CAPRIN2: variants seen among roughly 807,000 people sequenced by gnomAD.
CAPRIN2 encodes caprin-2.
A neutral mutation model predicts 130.4 loss-of-function variants in CAPRIN2; 66 were observed. The observed-to-expected ratio is 0.51, with a 90% CI of 0.42 to 0.62. The LOEUF (loss-of-function observed/expected upper bound fraction) is 0.62. Ranked by LOEUF, CAPRIN2 falls within the 20% of genes least tolerant of loss-of-function variation. The pLI, the probability that CAPRIN2 is intolerant of heterozygous loss-of-function variation, is 0.00. For missense variants in CAPRIN2, 1,185 were observed against 1,246.6 expected, an observed-to-expected ratio of 0.95 and a Z score of 0.74; for synonymous variants, 471 against 444.1, an observed-to-expected ratio of 1.06 and a Z score of -0.76.
chr12:30,747,663 G>A (rs2071344443), intron 2 of CAPRIN2, among the ~76,000 whole-genome samples: 2 of 150,342 alleles, frequency 1.3e-5, no homozygotes, highest in African/African-American at 2.5e-5. Flanking sequence ...GACAACAAGA[G>A]CCAAACACCG....
chr12:30,717,046 G>C (rs570926292), intron 12 of CAPRIN2, among the ~76,000 whole-genome samples: 10 of 152,132 alleles, frequency 6.6e-5, no homozygotes, highest in Non-Finnish European at 1.3e-4. Context: ...TTTTCAAAAA[G>C]TATAGAATTA....
chr12:30,747,674 T>C (rs1476008852), intron 2 of CAPRIN2, among the ~76,000 whole-genome samples: 3 of 146,416 alleles, frequency 2.0e-5, no homozygotes, highest in African/African-American at 7.6e-5. Flanking sequence ...CCAAACACCG[T>C]CTCAAAAAAA....
chr12:30,728,570 AGAG>A, intron 8 of CAPRIN2, 75 bp downstream of exon 9: 2 of 1,245,212 alleles, frequency 1.6e-6, no homozygotes. Flanking sequence ...AAAAAAAAAA[AGAG>A]AACTAAAAAG....
At chr12:30,742,460 C>G (rs369606879) in intron 2 of CAPRIN2, among the ~76,000 whole-genome samples, 77 of 152,008 alleles carry the variant, frequency 5.1e-4, no homozygotes, top group African/African-American at 1.7e-3. Context: ...CTCAGTAACA[C>G]CTAAAAGATT....
At chr12:30,739,494 A>G (rs902717185) in intron 3 of CAPRIN2, among the ~76,000 whole-genome samples, 2 of 152,178 alleles carry the variant, frequency 1.3e-5, no homozygotes, top group African/African-American at 2.4e-5. Flanking sequence ...TATACAACAA[A>G]TCCCCATGAC....
intron 3 of CAPRIN2, among the ~76,000 whole-genome samples, chr12:30,740,123 G>C (rs372085082): frequency 1.3e-5 from 2 of 151,990 alleles, no homozygotes; most frequent in African/African-American, 4.8e-5. Context: ...AAGAAAAATA[G>C]GCCAGGGCGA....
chr12:30,740,359 G>T (rs1296731570), intron 3 of CAPRIN2, among the ~76,000 whole-genome samples: 1 of 152,072 alleles, frequency 6.6e-6, no homozygotes, highest in African/African-American at 2.4e-5. Context: ...TCCTCTCCAG[G>T]AATGAATTTA....
At chr12:30,721,951 T>G (rs956898352) in intron 11 of CAPRIN2, among the ~76,000 whole-genome samples, 1 of 152,236 alleles carries the variant, frequency 6.6e-6, no homozygotes, top group African/African-American at 2.4e-5. Context: ...AGAGCGTTTC[T>G]AAAACTAGGT....
chr12:30,754,876 T>A (rs936474519), upstream of CAPRIN2: 1 of 151,838 alleles, frequency 6.6e-6, no homozygotes, highest in Non-Finnish European at 1.5e-5. Context: ...TCCTGTCTCC[T>A]CCCTCTCCCC....
chr12:30,710,408 CACT>C lies in CAPRIN2; in HGVS notation c.2725_2727del (p.Ser909del), dbSNP rs1290081279. On this transcript the variant is annotated inframe_deletion, in exon 17 of 17. Coordinates refer to ENST00000298892, the Ensembl canonical transcript of CAPRIN2. The surrounding 1 kb of genome is among the most constrained non-coding windows in gnomAD (Gnocchi z 4.8). Reference sequence around the variant, plus strand: ...CGGGAGTCTCCTTGTCCAGAGTCACCACTGTTAAAGGTTTCGTTGTCTCTTTCT... The same window carrying C: ...CGGGAGTCTCCTTGTCCAGAGTCACCGTTAAAGGTTTCGTTGTCTCTTTCT... The C allele has an allele frequency of 6.2e-7, 1 of 1,614,112 alleles. No individual in the cohort carries two copies. Among genetic ancestry groups the C allele is most frequent in the East Asian group, 2.2e-5 (1 of 44,864 alleles).
At chr12:30,754,832 T>G (rs951113852), upstream of CAPRIN2, 2 of 151,484 alleles carry the variant, frequency 1.3e-5, no homozygotes, top group African/African-American at 2.4e-5. Context: ...GCTGCGGAGG[T>G]GGACCGGCGC....
chr12:30,709,567 T>G (rs1211627808), exon 17 of CAPRIN2: 1 of 194,346 alleles, frequency 5.1e-6, no homozygotes, highest in East Asian at 1.2e-4. Context: ...TGTAACTTTT[T>G]TATTGAGGCA....
At chr12:30,718,377 A>G (rs939679423) in intron 12 of CAPRIN2, among the ~76,000 whole-genome samples, 1 of 152,138 alleles carries the variant, frequency 6.6e-6, no homozygotes, top group Non-Finnish European at 1.5e-5. Context: ...CCTGCTTTCC[A>G]TGCTACTCCA....
In CAPRIN2 at chr12:30,719,937, T is replaced by G. The variant is rs548953837; in HGVS notation, c.2148+874A>C. ...ATATTCTATAATGAATACATATTCT[T>G]CTATAACAGTTAACAAAAAATACCT... is the stretch of plus-strand genomic sequence containing the variant. On this transcript the variant is annotated intron_variant, in intron 12 of 16. Coordinates refer to ENST00000298892, the Ensembl canonical transcript of CAPRIN2. The G allele has an allele frequency of 4.6e-5, 7 of 152,340 alleles. No homozygotes were observed. In the South Asian group the frequency reaches 1.4e-3, roughly 32 times the overall value. 9.4% of individuals were successfully genotyped at this position (152,340 alleles called of 1,614,324 possible).
chr12:30,732,380 G>A (rs2063028346), intron 5 of CAPRIN2, among the ~76,000 whole-genome samples: 1 of 151,542 alleles, frequency 6.6e-6, no homozygotes, highest in African/African-American at 2.4e-5. Flanking sequence ...GGAGTACTAT[G>A]ACAGATTTTG....
At chr12:30,711,757 C>T (rs1565533556) in intron 15 of CAPRIN2, 128 bp from the exon 18 acceptor site, 2 of 754,328 alleles carry the variant, frequency 2.7e-6, no homozygotes, top group Non-Finnish European at 4.8e-6. Context: ...CCCCAGCAAC[C>T]AAAGAGGCTC....
chr12:30,723,892 C>G (rs188520318), intron 10 of CAPRIN2, among the ~76,000 whole-genome samples: 30 of 152,342 alleles, frequency 2.0e-4, no homozygotes, highest in Non-Finnish European at 4.1e-4. Flanking sequence ...TTATGTCACT[C>G]CTCTCTGGAG....
chr12:30,710,379 G>A lies in CAPRIN2; in HGVS notation c.2757C>T (p.Ser919=), dbSNP rs79552778. 6 of 1,614,146 alleles carry A rather than the reference G, an allele frequency of 3.7e-6. No individual in the cohort carries two copies. Among genetic ancestry groups the A allele is most frequent in the Non-Finnish European group, 5.1e-6 (6 of 1,180,032 alleles). The change falls in exon 17 of 17, where the codon AGC becomes AGT. Residue 919 remains serine, a synonymous_variant. Transcript: ENST00000298892. This position sits in a 1 kb window ranked among gnomAD's most constrained non-coding sequence, Gnocchi z 4.8. ...TCACTGGCACATCCACAGGGGTCATGCTACGGGAGTCTCCTTGTCCAGAGT... is the reference window on the plus strand; with the variant it reads ...TCACTGGCACATCCACAGGGGTCATACTACGGGAGTCTCCTTGTCCAGAGT...
At chr12:30,748,408 A>C (rs989570861) in intron 2 of CAPRIN2, among the ~76,000 whole-genome samples, 2 of 152,262 alleles carry the variant, frequency 1.3e-5, no homozygotes, top group African/African-American at 4.8e-5. Context: ...AACTCACTGA[A>C]GGCTCAGATG....
Sources: gnomAD v4.1 joint callset for allele counts (sites outside exome capture counted in the v4.1 genomes callset) on GRCh38, gnomAD v4.1.1 for gene constraint, Gnocchi (gnomAD v3.1) non-coding constraint, MANE v1.5 for transcripts, NCBI Gene and HGNC (gene_info 2026-07-23, HGNC 2026-07-21) for gene names.